The following ITGAV variants were observed in gnomAD, a reference collection of about 807,000 sequenced individuals.
The protein encoded by ITGAV is integrin alpha-V.
In ITGAV, 76 loss-of-function variants were observed where a neutral mutation model predicts 143.8. That is an observed-to-expected ratio of 0.53 (90% CI 0.44 to 0.64). The LOEUF (loss-of-function observed/expected upper bound fraction) is 0.64, where lower values mean the gene tolerates loss of function less well. ITGAV is among the 30% of genes least tolerant of loss of function. The probability of loss-of-function intolerance (pLI) is 0.00; values close to 1 mark genes in which losing one functional copy is unlikely to be tolerated. For missense variants in ITGAV, 1,193 were observed against 1,274.7 expected, an observed-to-expected ratio of 0.94 and a Z score of 0.98; for synonymous variants, 453 against 446.7, an observed-to-expected ratio of 1.01 and a Z score of -0.18.
rs546371585 is a variant in ITGAV, at chr2:186,606,702, T to C, written c.316+4551T>C. On this transcript the variant is annotated intron_variant, in intron 2 of 29. Transcript: ENST00000261023. ...TGAACATGTATCTTTTCTTAGTCAG[T>C]CACATCTTTCTCTCTTCTTTCCTTT... Among the ~76,000 whole-genome samples, 79 of 152,282 alleles carry C rather than the reference T, an allele frequency of 5.2e-4. 1 individual carries two copies. The Middle Eastern group carries it at 0.014, about 26-fold the overall frequency.
At chr2:186,622,282 C>A in intron 2 of ITGAV, 57 bp from the exon 3 acceptor site, 1 of 1,172,694 alleles carries the variant, frequency 8.5e-7, no homozygotes. Flanking sequence ...TAAAAATAAA[C>A]TGTTATATTA....
chr2:186,669,442 A>G (rs1268885838), intron 25 of ITGAV, among the ~76,000 whole-genome samples: 2 of 152,200 alleles, frequency 1.3e-5, no homozygotes, highest in African/African-American at 2.4e-5. Context: ...CCATTTCTGT[A>G]TGTTTCATCA....
chr2:186,658,843 G>T (rs754284990), intron 17 of ITGAV, among the ~76,000 whole-genome samples, 195 bp from the exon 18 acceptor site: 18 of 152,064 alleles, frequency 1.2e-4, no homozygotes, highest in Non-Finnish European at 2.2e-4. Flanking sequence ...AACAAAAATT[G>T]ACTAAAGGCT....
chr2:186,654,157 AC>A (rs1190723737), intron 15 of ITGAV, among the ~76,000 whole-genome samples: 1 of 152,120 alleles, frequency 6.6e-6, no homozygotes, highest in African/African-American at 2.4e-5. Context: ...ACGTGGTGAA[AC>A]ACTGTCTCTA....
chr2:186,592,464 TAAC>T (rs776172765), intron 1 of ITGAV, among the ~76,000 whole-genome samples: 6 of 151,886 alleles, frequency 4.0e-5, no homozygotes, highest in African/African-American at 9.7e-5. Flanking sequence ...CAACAAACAA[TAAC>T]AACAACAAAA....
At chr2:186,656,183 C>G in intron 16 of ITGAV, 64 bp from the exon 17 acceptor site, 1 of 1,248,202 alleles carries the variant, frequency 8.0e-7, no homozygotes, top group African/African-American at 1.6e-5. Flanking sequence ...CATGAAAACT[C>G]TAGAGTAGGA....
At chr2:186,670,875 ACCCTTGGGTT>A (rs1227991336) in intron 26 of ITGAV, among the ~76,000 whole-genome samples, 1 of 152,122 alleles carries the variant, frequency 6.6e-6, no homozygotes, top group Non-Finnish European at 1.5e-5. Flanking sequence ...CTAAATATAT[ACCCTTGGGTT>A]TTCCCAAGTC....
intron 26 of ITGAV, among the ~76,000 whole-genome samples, chr2:186,671,640 A>G (rs559051790): frequency 5.1e-4 from 77 of 152,270 alleles, no homozygotes; most frequent in African/African-American, 1.6e-3. Flanking sequence ...ACACAAAATT[A>G]ACCATTTTAA....
intron 4 of ITGAV, among the ~76,000 whole-genome samples, chr2:186,627,833 T>C (rs1407926736): frequency 6.6e-6 from 1 of 152,186 alleles, no homozygotes; most frequent in Non-Finnish European, 1.5e-5. Flanking sequence ...TAGGAAAAGC[T>C]TAAAGAACAG....
chr2:186,640,481 T>C (rs1454056297), intron 10 of ITGAV, among the ~76,000 whole-genome samples: 1 of 152,200 alleles, frequency 6.6e-6, no homozygotes, highest in African/African-American at 2.4e-5. Context: ...TCTATTATCC[T>C]CATGACATAG....
At chr2:186,629,740 GCAAA>G (rs1288226743) in intron 4 of ITGAV, among the ~76,000 whole-genome samples, 2 of 151,948 alleles carry the variant, frequency 1.3e-5, no homozygotes, top group African/African-American at 2.4e-5. Flanking sequence ...TATTTGGGTG[GCAAA>G]CAAAGTAACA....
At chr2:186,627,938 A>G (rs1199336652) in intron 4 of ITGAV, among the ~76,000 whole-genome samples, 12 of 152,156 alleles carry the variant, frequency 7.9e-5, no homozygotes, top group Non-Finnish European at 1.5e-5. Context: ...TTTTGATTCA[A>G]CCTTTGAAAT....
chr2:186,628,518 A>G (rs374292463), intron 4 of ITGAV, among the ~76,000 whole-genome samples: 5 of 152,098 alleles, frequency 3.3e-5, no homozygotes, highest in African/African-American at 2.4e-5. Context: ...TCAAACAACA[A>G]AAAAGCAAAA....
intron 15 of ITGAV, among the ~76,000 whole-genome samples, chr2:186,654,284 G>C (rs918503753): frequency 7.3e-5 from 11 of 150,164 alleles, no homozygotes; most frequent in Non-Finnish European, 1.2e-4. Flanking sequence ...AGTGAGCCGA[G>C]ATCGTGCCAC....
At chr2:186,595,623 G>A (rs1164741730) in intron 1 of ITGAV, among the ~76,000 whole-genome samples, 1 of 151,468 alleles carries the variant, frequency 6.6e-6, no homozygotes, top group African/African-American at 2.4e-5. Flanking sequence ...AGCACTTCTT[G>A]GCATGGATGT....
chr2:186,675,094 A>G (rs1450982096), intron 26 of ITGAV, among the ~76,000 whole-genome samples: 1 of 152,136 alleles, frequency 6.6e-6, no homozygotes, highest in African/African-American at 2.4e-5. Context: ...GTGAATATTT[A>G]TTTCTTTTGG....
chr2:186,636,171 C>G lies in ITGAV; in HGVS notation c.721C>G (p.Arg241Gly). The G allele has an allele frequency of 6.2e-7, 1 of 1,612,584 alleles. No individual in the cohort carries two copies. The highest frequency in any genetic ancestry group is 1.1e-5 in the South Asian group (1 of 90,744). ...CAAGTATAATAACCAATTAGCAACT[C>G]GGACTGCACAAGCTATTTTTGATGA... ...SIKYNNQLAT[R>G]TAQAIFDDSY... The change falls in exon 7 of 30, where the codon CGG becomes GGG. Residue 241 changes from arginine (R) to glycine (G), a missense_variant. Physicochemically the swap from Arg to Gly is moderately radical, Grantham distance 125. Transcript: ENST00000261023.
rs748019105 is a variant in ITGAV at position 186,667,676 on chromosome 2, C to T, written c.2333C>T (p.Ser778Leu). Residue 778 changes from serine to leucine, a missense_variant, in exon 24 of 30, where the codon TCG becomes TTG. Ser to Leu is a moderately radical substitution (Grantham distance 145). Transcript: ENST00000261023. Reference sequence around the variant, plus strand: ...TTTCTTTGGTCATTGTTTAGAGTCTCGAGTCCTGATCATGTCTTTCTTCCG... The same window carrying T: ...TTTCTTTGGTCATTGTTTAGAGTCTTGAGTCCTGATCATGTCTTTCTTCCG... ...VLAAVEIRGV[S>L]SPDHVFLPIP... 1.9e-6 allele frequency: 3 copies of T among 1,587,806 alleles called. No homozygotes were observed. Among genetic ancestry groups the T allele is most frequent in the Non-Finnish European group, 8.6e-7 (1 of 1,157,868 alleles).
chr2:186,674,120 C>T (rs1392032171), intron 26 of ITGAV, among the ~76,000 whole-genome samples: 1 of 152,016 alleles, frequency 6.6e-6, no homozygotes, highest in East Asian at 1.9e-4. Flanking sequence ...ATTATAGGTG[C>T]ACCCACCACA....
Sources: gnomAD v4.1 joint callset for allele counts (sites outside exome capture counted in the v4.1 genomes callset) on GRCh38, gnomAD v4.1.1 for gene constraint, MANE v1.5 for transcripts, NCBI Gene and HGNC (gene_info 2026-07-23, HGNC 2026-07-21) for gene names.